The following PCNT variants were observed in gnomAD, a reference collection of about 807,000 sequenced individuals.
The protein encoded by PCNT is kendrin.
PCNT carries 319 observed loss-of-function variants against 380.4 expected under a neutral mutation model. That is an observed-to-expected ratio of 0.84 (90% CI 0.77 to 0.92). The LOEUF (loss-of-function observed/expected upper bound fraction) is 0.92. PCNT is among the 40% of genes least tolerant of loss of function. PCNT has a pLI of 0.00. For synonymous variants in PCNT, 1,845 were observed against 1,735.2 expected, an observed-to-expected ratio of 1.06 and a Z score of -1.57; for missense variants, 4,400 against 4,255.3, an observed-to-expected ratio of 1.03 and a Z score of -0.95.
At position 46,334,534 on chromosome 21, in the gene PCNT, C is replaced by T. The variant is rs371917839; in HGVS notation, c.405C>T (p.Val135=). The change falls in exon 3 of 47, where the codon GTC becomes GTT. Residue 135 remains valine (V), a synonymous_variant. Transcript: ENST00000359568. ...CAGAACAGCATGGGATGTTCACAGT[C>T]GGTGACCACCCACCAGAACAGCGTG... is the stretch of plus-strand genomic sequence containing the variant. The part of the protein sequence containing the change: ...HPPEQHGMFT[V]GDHPPEQRGM... 99 of 1,601,544 alleles carry T rather than the reference C, an allele frequency of 6.2e-5. No homozygotes were observed. The highest frequency in any genetic ancestry group is 4.7e-4 in the East Asian group (21 of 44,770).
intron 41 of PCNT, 105 bp from the exon 42 acceptor site, chr21:46,439,978 C>A: frequency 7.1e-7 from 1 of 1,408,264 alleles, no homozygotes; most frequent in Non-Finnish European, 1.0e-6. Flanking sequence ...GTCAGCCTGG[C>A]CTCCCCGCAC....
chr21:46,326,505 C>G lies in PCNT; in HGVS notation c.183C>G (p.Ser61Arg), dbSNP rs774974327. 2 of 1,614,176 alleles carry G rather than the reference C, an allele frequency of 1.2e-6. No individual in the cohort carries two copies. The highest frequency in any genetic ancestry group is 1.7e-5 in the Admixed American group (1 of 60,014). Residue 61 changes from serine to arginine, a missense_variant, in exon 2 of 47, where the codon AGC becomes AGG. By Grantham distance (110) the Ser-to-Arg change is moderately radical. Transcript: ENST00000359568. Reference sequence around the variant, plus strand: ...AGAGTCCGGTAACCAAGGAGGACAGCGCACTCTGTGGAGGAGGGGACATTT... The same window carrying G: ...AGAGTCCGGTAACCAAGGAGGACAGGGCACTCTGTGGAGGAGGGGACATTT... ...QEESPVTKED[S>R]ALCGGGDICK...
intron 15 of PCNT, among the ~76,000 whole-genome samples, chr21:46,370,229 G>A (rs554072658): frequency 2.7e-4 from 41 of 152,162 alleles, no homozygotes; most frequent in African/African-American, 9.6e-4. Context: ...GCATCCGGGG[G>A]GGGGTGTCTT....
At chr21:46,398,857 T>A (rs1278400496) in intron 24 of PCNT, among the ~76,000 whole-genome samples, 2 of 150,320 alleles carry the variant, frequency 1.3e-5, no homozygotes, top group Non-Finnish European at 3.0e-5. Context: ...TCTCATGCAG[T>A]TGCCCAGGCT....
intron 3 of PCNT, among the ~76,000 whole-genome samples, chr21:46,342,009 T>A (rs994551371): frequency 1.3e-5 from 2 of 151,646 alleles, no homozygotes; most frequent in South Asian, 4.2e-4. Context: ...TGATGCAAAT[T>A]CGGCTCATTG....
At chr21:46,403,790 T>TTG (rs1186846065) in intron 27 of PCNT, among the ~76,000 whole-genome samples, 3 of 84,120 alleles carry the variant, frequency 3.6e-5, no homozygotes, top group Admixed American at 1.3e-4. Context: ...CGTGGGAGAA[T>TTG]TGTGTGTGTG....
At position 46,397,484 on chromosome 21, in the gene PCNT, A is replaced by C. The variant is rs1331702590; in HGVS notation, c.4436A>C (p.Gln1479Pro). Residue 1479 changes from glutamine (Q) to proline (P), a missense_variant, in exon 22 of 47, where the codon CAA becomes CCA. By Grantham distance (76) the Gln-to-Pro change is moderately conservative (BLOSUM62 -1). Transcript: ENST00000359568. Reference sequence around the variant, plus strand: ...GACAAGCATTTGCGCAACCAGCGGCAATTCATGGATGTAAGAATTCTGAAT... The same window carrying C: ...GACAAGCATTTGCGCAACCAGCGGCCATTCATGGATGTAAGAATTCTGAAT... ...SLDKHLRNQRQFMDEQAAERE... is the reference protein window; with the variant it reads ...SLDKHLRNQRPFMDEQAAERE... The C allele has an allele frequency of 6.2e-7, 1 of 1,613,396 alleles. No individual in the cohort carries two copies. Among genetic ancestry groups the C allele is most frequent in the East Asian group, 2.2e-5 (1 of 44,884 alleles).
intron 25 of PCNT, among the ~76,000 whole-genome samples, chr21:46,401,148 AT>A (rs1436328754): frequency 2.6e-5 from 4 of 152,144 alleles, no homozygotes; most frequent in Non-Finnish European, 5.9e-5. Context: ...TATTGTGACC[AT>A]TTTCGTCATA....
chr21:46,324,263 T>G lies in PCNT; in HGVS notation c.35T>G (p.Val12Gly), dbSNP rs779891154. 6.2e-7 allele frequency: 1 copy of G among 1,611,912 alleles called. No individual in the cohort carries two copies. The highest frequency in any genetic ancestry group is 8.5e-7 in the Non-Finnish European group (1 of 1,179,024). Residue 12 changes from valine (V) to glycine (G), a missense_variant, in exon 1 of 47, where the codon GTG becomes GGG. By Grantham distance (109) the Val-to-Gly change is moderately radical. Coordinates refer to ENST00000359568, the MANE Select transcript of PCNT (RefSeq NM_006031.6). ...GAGCAAGAGCAGCGGCGCAGAAAGGTGGAGGCCGGGAGGACGAAGGTAAAC... is the reference window on the plus strand; with the variant it reads ...GAGCAAGAGCAGCGGCGCAGAAAGGGGGAGGCCGGGAGGACGAAGGTAAAC... The part of the protein sequence containing the change: ...EVEQEQRRRK[V>G]EAGRTKLAHF...
At chr21:46,422,774 T>C (rs2087309814) in intron 32 of PCNT, among the ~76,000 whole-genome samples, 1 of 152,194 alleles carries the variant, frequency 6.6e-6, no homozygotes, top group African/African-American at 2.4e-5. Flanking sequence ...TCACTTAGCG[T>C]TGCCCCGAGG....
chr21:46,412,715 C>A, intron 28 of PCNT, 122 bp from the exon 29 acceptor site: 1 of 1,039,096 alleles, frequency 9.6e-7, no homozygotes, highest in Non-Finnish European at 1.5e-6. Flanking sequence ...GTGGATGTCA[C>A]TGCCACCTCC....
intron 25 of PCNT, among the ~76,000 whole-genome samples, chr21:46,401,213 A>G (rs550741053): frequency 6.6e-6 from 1 of 152,372 alleles, no homozygotes; most frequent in African/African-American, 2.4e-5. Flanking sequence ...TTATATGAGC[A>G]TACCATCAGC....
intron 3 of PCNT, among the ~76,000 whole-genome samples, chr21:46,338,525 T>C (rs118174351): frequency 0.035 from 5,357 of 152,288 alleles, 136 homozygotes; most frequent in Middle Eastern, 0.085. Context: ...GTGTGCATGG[T>C]ACACAGTTTG....
intron 2 of PCNT, among the ~76,000 whole-genome samples, chr21:46,332,471 A>G (rs1304737304): frequency 6.6e-6 from 1 of 152,248 alleles, no homozygotes; most frequent in Non-Finnish European, 1.5e-5. Context: ...TGTATCAAGT[A>G]AGTTTTGACA....
chr21:46,409,389 A>C (rs536753046), intron 27 of PCNT, among the ~76,000 whole-genome samples: 1 of 151,644 alleles, frequency 6.6e-6, no homozygotes, highest in African/African-American at 2.4e-5. Flanking sequence ...GGGTTTCTCC[A>C]TGTTGGTCAG....
chr21:46,417,620 C>T (rs888071595), intron 30 of PCNT, among the ~76,000 whole-genome samples: 1 of 152,094 alleles, frequency 6.6e-6, no homozygotes, highest in East Asian at 1.9e-4. Flanking sequence ...AATTAAAAAT[C>T]AGGTATGGTT....
chr21:46,357,238 T>C (rs780242899), intron 13 of PCNT, 47 bp downstream of exon 13: 2 of 1,326,204 alleles, frequency 1.5e-6, no homozygotes, highest in Non-Finnish European at 2.2e-6. Flanking sequence ...GAGTCCTTGC[T>C]CTCTTCCACC....
chr21:46,388,672 C>G lies in PCNT; in HGVS notation c.3465-70C>G, dbSNP rs2085923562. The G allele has an allele frequency of 6.3e-7, 1 of 1,595,646 alleles. No individual in the cohort carries two copies. Among genetic ancestry groups the G allele is most frequent in the African/African-American group, 1.3e-5 (1 of 74,726 alleles). On this transcript the variant is annotated intron_variant, in intron 17 of 46. Coordinates refer to ENST00000359568, the MANE Select transcript of PCNT (RefSeq NM_006031.6). This position sits in a 1 kb window ranked among gnomAD's most constrained non-coding sequence, Gnocchi z 4.2. ...GTGTGCAAACTGGTGGGCGGCCCCT[C>G]AGCAGCATCCAGGGTGGGGGTTCTT...
At chr21:46,398,646 C>T (rs779210949) in intron 24 of PCNT, among the ~76,000 whole-genome samples, 1 of 152,166 alleles carries the variant, frequency 6.6e-6, no homozygotes, top group Non-Finnish European at 1.5e-5. Flanking sequence ...ACTCATCTGT[C>T]GTCTATTTCT....
Sources: allele counts gnomAD v4.1 joint callset (sites outside exome capture counted in the v4.1 genomes callset), GRCh38; gene constraint gnomAD v4.1.1; non-coding constraint Gnocchi (gnomAD v3.1); transcripts MANE v1.5; gene names NCBI Gene and HGNC (gene_info 2026-07-23, HGNC 2026-07-21).